TUSC3: variants seen among roughly 807,000 people sequenced by gnomAD.
TUSC3 encodes the protein dolichyl-diphosphooligosaccharide--protein glycosyltransferase subunit TUSC3.
A neutral mutation model predicts 44.8 loss-of-function variants in TUSC3; 45 were observed. That is an observed-to-expected ratio of 1.00 (90% CI 0.79 to 1.29). TUSC3 has a LOEUF of 1.29. Ranked by LOEUF, TUSC3 falls within the 50% of genes most tolerant of loss-of-function variation. The pLI, the probability that TUSC3 is intolerant of heterozygous loss-of-function variation, is 0.00. For missense variants in TUSC3, 519 were observed against 437.9 expected, an observed-to-expected ratio of 1.19 and a Z score of -1.65; for synonymous variants, 212 against 152.9, an observed-to-expected ratio of 1.39 and a Z score of -2.85.
chr8:15,521,209 G>A (rs1295921327), intron 2 of TUSC3, among the ~76,000 whole-genome samples: 1 of 152,098 alleles, frequency 6.6e-6, no homozygotes. Flanking sequence ...TGTTTTCCTT[G>A]GTATGTTTCC....
intron 6 of TUSC3, among the ~76,000 whole-genome samples, chr8:15,708,704 A>C (rs920065536): frequency 6.6e-6 from 1 of 151,992 alleles, no homozygotes; most frequent in African/African-American, 2.4e-5. Context: ...TTTATTTAAT[A>C]ATGCTTTCTG....
chr8:15,448,117 A>ATATATATATT lies in TUSC3; in HGVS notation n.91+30815_91+30816insATATATTTAT, dbSNP rs1276079521. Among the ~76,000 whole-genome samples the ATATATATATT allele has an allele frequency of 1.5e-4, 14 of 93,782 alleles. 1 individual carries two copies. Among genetic ancestry groups the ATATATATATT allele is most frequent in the Middle Eastern group, 6.3e-3 (1 of 158 alleles). 61.5% of individuals were successfully genotyped at this position (93,782 alleles called of 152,430 possible). A position where few individuals can be genotyped will look rare whatever the true frequency, so the allele number is the denominator to read the frequency against. ...TATGGTAGTGTATATACATATATAT[A>ATATATATATT]TATTTATTTATTTATTTTTTAGATG... On this transcript the variant is annotated intron_variant and non_coding_transcript_variant, in intron 1 of 5. Transcript: ENST00000503191.
chr8:15,573,182 C>T (rs1376314943), intron 1 of TUSC3, among the ~76,000 whole-genome samples: 15 of 87,930 alleles, frequency 1.7e-4, no homozygotes, highest in Non-Finnish European at 2.7e-4. Context: ...CTCTCTCTCT[C>T]TCTCTCTCTC....
chr8:15,781,243 ACT>A, the TUSC3 span, among the ~76,000 whole-genome samples: 3 of 151,974 alleles, frequency 2.0e-5, no homozygotes, highest in African/African-American at 7.3e-5. Flanking sequence ...TAAATCACTC[ACT>A]CTCGGCTTCA....
At chr8:15,606,870 T>C (rs992826413) in intron 1 of TUSC3, among the ~76,000 whole-genome samples, 6 of 152,086 alleles carry the variant, frequency 3.9e-5, no homozygotes, top group African/African-American at 1.4e-4. Flanking sequence ...TTGTATCCCT[T>C]GGTACAGTTT....
In TUSC3 at chr8:15,692,371, C is replaced by CTTTG. The variant is rs1491316989; in HGVS notation, c.798+18539_798+18542dup. Among the ~76,000 whole-genome samples the CTTTG allele has an allele frequency of 4.2e-3, 79 of 18,796 alleles. 6 individuals carry two copies. The highest frequency in any genetic ancestry group is 0.014 in the South Asian group (4 of 282). The allele number at this position is 18,796 out of a possible 152,430, so 12.3% of individuals were successfully genotyped here. ...TTTGGGAGGAGACCCCCCCCCCCCC[C>CTTTG]TTTGTTTTTTTTTTTTTTTTTTTTT... On this transcript the variant is annotated intron_variant, in intron 6 of 10. Coordinates refer to ENST00000503731, the MANE Select transcript of TUSC3 (RefSeq NM_006765.4).
At chr8:15,651,015 ACACACAC>A (rs1806879394) in intron 3 of TUSC3, 1 of 562,560 alleles carries the variant, frequency 1.8e-6, no homozygotes, top group African/African-American at 1.9e-5. Flanking sequence ...ACACACACAC[ACACACAC>A]AAATACAATT....
intron 1 of TUSC3, among the ~76,000 whole-genome samples, chr8:15,434,580 T>C (rs1470344223): frequency 6.7e-6 from 1 of 148,452 alleles, no homozygotes; most frequent in Non-Finnish European, 1.5e-5. Flanking sequence ...GTGCACAACA[T>C]GGTGGTTTGT....
At chr8:15,750,868 C>CAGAG (rs1195269137) in intron 9 of TUSC3, among the ~76,000 whole-genome samples, 1 of 152,036 alleles carries the variant, frequency 6.6e-6, no homozygotes, top group Non-Finnish European at 1.5e-5. Context: ...TGTAAGAAGT[C>CAGAG]AGAGATGGAA....
chr8:15,821,751 C>G, the TUSC3 span, among the ~76,000 whole-genome samples: 2,002 of 151,468 alleles, frequency 0.013, 42 homozygotes, highest in African/African-American at 0.045. Flanking sequence ...AGAGAGCCCA[C>G]AGATATGGGT....
chr8:15,611,050 C>A (rs1197534839), intron 1 of TUSC3, among the ~76,000 whole-genome samples: 1 of 152,162 alleles, frequency 6.6e-6, no homozygotes, highest in Non-Finnish European at 1.5e-5. Flanking sequence ...TTCTCTATTT[C>A]TCATTAGATA....
intron 1 of TUSC3, among the ~76,000 whole-genome samples, chr8:15,435,818 A>G (rs1799938849): frequency 6.6e-6 from 1 of 152,206 alleles, no homozygotes; most frequent in African/African-American, 2.4e-5. Context: ...TTTAATGAAC[A>G]ACTTGAACAA....
At chr8:15,709,739 A>G (rs1809765129) in intron 6 of TUSC3, among the ~76,000 whole-genome samples, 1 of 151,898 alleles carries the variant, frequency 6.6e-6, no homozygotes, top group Admixed American at 6.6e-5. Flanking sequence ...CCAATTAGGT[A>G]AGGAAAGTAT....
At chr8:15,704,175 G>A (rs1369103366) in intron 6 of TUSC3, among the ~76,000 whole-genome samples, 1 of 151,490 alleles carries the variant, frequency 6.6e-6, no homozygotes, top group Non-Finnish European at 1.5e-5. Flanking sequence ...GAGACCTGAA[G>A]GAAATGAGAG....
chr8:15,568,009 C>G (rs996675387), intron 1 of TUSC3, among the ~76,000 whole-genome samples: 1 of 152,080 alleles, frequency 6.6e-6, no homozygotes, highest in African/African-American at 2.4e-5. Context: ...TTTTCTATGG[C>G]CACATTGGTA....
rs985410885 is a variant in TUSC3, at chr8:15,481,597, A to G, written n.92-1789A>G. ...AGACCACCGCAATAAAGCAGGTATC[A>G]CAGTAAAGCAGGTCACATGAAGCTT... On this transcript the variant is annotated intron_variant and non_coding_transcript_variant, in intron 1 of 5. Coordinates refer to the TUSC3 transcript ENST00000503191. Among the ~76,000 whole-genome samples, 5 of 152,312 alleles carry G rather than the reference A, an allele frequency of 3.3e-5. No homozygotes were observed. The East Asian group carries it at 9.6e-4, about 29-fold the overall frequency.
the TUSC3 span, among the ~76,000 whole-genome samples, chr8:15,836,968 C>T: frequency 6.6e-6 from 1 of 151,954 alleles, no homozygotes; most frequent in Non-Finnish European, 1.5e-5. Context: ...AATCTTCACA[C>T]TGAATTTAAT....
At chr8:15,697,623 T>G (rs1476354997) in intron 6 of TUSC3, among the ~76,000 whole-genome samples, 2 of 152,200 alleles carry the variant, frequency 1.3e-5, no homozygotes, top group Non-Finnish European at 2.9e-5. Flanking sequence ...ACCTGTTGAA[T>G]GAGTGAATGA....
At position 15,631,667 on chromosome 8, in the gene TUSC3, G is replaced by A. The variant is rs971939260; in HGVS notation, c.308+8418G>A. On this transcript the variant is annotated intron_variant, in intron 2 of 10. Transcript: ENST00000503731. Reference sequence around the variant, plus strand: ...TAATACATCTCTTGAGTTTAAGGCTGTTGTGTGTGTGTGTGTGTGTGTGTG... The same window carrying A: ...TAATACATCTCTTGAGTTTAAGGCTATTGTGTGTGTGTGTGTGTGTGTGTG... Among the ~76,000 whole-genome samples the A allele has an allele frequency of 6.1e-5, 7 of 114,694 alleles. No homozygotes were observed. The East Asian group carries it at 7.6e-4, about 12-fold the overall frequency. 75.2% of individuals were successfully genotyped at this position (114,694 alleles called of 152,430 possible). A position where few individuals can be genotyped will look rare whatever the true frequency, so the allele number is the denominator to read the frequency against.
Sources: gnomAD v4.1 joint callset for allele counts (sites outside exome capture counted in the v4.1 genomes callset) on GRCh38, gnomAD v4.1.1 for gene constraint, MANE v1.5 for transcripts, NCBI Gene and HGNC (gene_info 2026-07-23, HGNC 2026-07-21) for gene names.